Variants in FOXK2 observed in about 807,000 individuals in gnomAD.
The protein encoded by FOXK2 is forkhead box protein K2.
FOXK2 carries 24 observed loss-of-function variants against 53.3 expected under a neutral mutation model. The ratio of observed to expected loss-of-function variants is 0.45; its 90% CI spans 0.33 to 0.63. The LOEUF (loss-of-function observed/expected upper bound fraction) is 0.63, where lower values mean the gene tolerates loss of function less well. Among genes scored for constraint, FOXK2 ranks in the 30% least tolerant of loss-of-function variants. FOXK2 has a pLI of 0.03. For missense variants in FOXK2, 952 were observed against 910.5 expected (o/e 1.05, Z -0.59); for synonymous variants, 505 against 407.1 (o/e 1.24, Z -2.89).
Position 82,587,873 on chromosome 17 carries a change from G to A in FOXK2, c.1786+601G>A, listed in dbSNP as rs138528412. 1.1e-4 allele frequency among the ~76,000 whole-genome samples: 16 copies of A among 152,292 alleles called. No individual in the cohort carries two copies. In the East Asian group the frequency reaches 1.5e-3, roughly 15 times the overall value. ...GGGCCTGGCTCAGGTGTGGGCTCCC[G>A]CTGCTCTGGGTTGGGTACATGTGGG... On this transcript the variant is annotated intron_variant, in intron 8 of 8. Transcript: ENST00000335255.
chr17:82,585,259 A>C (rs1467357260), intron 6 of FOXK2: 1 of 151,548 alleles, frequency 6.6e-6, no homozygotes, highest in Non-Finnish European at 1.5e-5. Flanking sequence ...CAGGAGGAAG[A>C]TGTTGATCCT....
rs190645581 is a variant in FOXK2 at position 82,580,940 on chromosome 17, T to C, written c.910-1801T>C. ...CTAGCCCTCCTCTCCATGTCACCCGTGAAGTAGCTCCATCCACAGGGCCCA... is the reference window on the plus strand; with the variant it reads ...CTAGCCCTCCTCTCCATGTCACCCGCGAAGTAGCTCCATCCACAGGGCCCA... On this transcript the variant is annotated intron_variant, in intron 4 of 8. Transcript: ENST00000335255. Among the ~76,000 whole-genome samples the C allele has an allele frequency of 8.4e-4, 128 of 152,166 alleles. 1 individual carries two copies. Among genetic ancestry groups the C allele is most frequent in the African/African-American group, 3.0e-3 (123 of 41,462 alleles).
In FOXK2 at chr17:82,576,301, G is replaced by A. The variant is rs1312227494; in HGVS notation, c.909+4431G>A. Among the ~76,000 whole-genome samples the A allele has an allele frequency of 2.0e-5, 3 of 152,068 alleles. No individual in the cohort carries two copies. In the East Asian group the frequency reaches 5.8e-4, roughly 29 times the overall value. ...TTCGTCCACACCAGCGTGTGTGCTC[G>A]GGGAAGGACCCCCCAAGTGGAGTGC... On this transcript the variant is annotated intron_variant, in intron 4 of 8. Coordinates refer to ENST00000335255, the MANE Select transcript of FOXK2 (RefSeq NM_004514.4).
intron 1 of FOXK2, among the ~76,000 whole-genome samples, chr17:82,557,806 C>G (rs1437290958): frequency 6.6e-6 from 1 of 152,132 alleles, no homozygotes; most frequent in African/African-American, 2.4e-5. Context: ...CACCACCATC[C>G]TGGGTAAGTT....
At chr17:82,549,177 G>C (rs1361700087) in intron 1 of FOXK2, among the ~76,000 whole-genome samples, 1 of 152,182 alleles carries the variant, frequency 6.6e-6, no homozygotes, top group African/African-American at 2.4e-5. Flanking sequence ...TGTGGCCCTT[G>C]CCTGTAGCTC....
At position 82,585,944 on chromosome 17, in the gene FOXK2, G is replaced by T; in HGVS notation, c.1320G>T (p.Gln440His). ...LSSQPVLITV[Q>H]RQLPQAIKPV... is the part of the protein sequence containing the mutation. Reference sequence around the variant, plus strand: ...GTCAGCCAGTCTTAATCACCGTCCAGCGGCAGCTACCACAGGCCATCAAGC... The same window carrying T: ...GTCAGCCAGTCTTAATCACCGTCCATCGGCAGCTACCACAGGCCATCAAGC... Residue 440 changes from glutamine to histidine, a missense_variant, in exon 7 of 9, where the codon CAG becomes CAT. Gln to His is a conservative substitution (Grantham distance 24). Transcript: ENST00000335255. 6.2e-7 allele frequency: 1 copy of T among 1,612,672 alleles called. No homozygotes were observed. The highest frequency in any genetic ancestry group is 8.5e-7 in the Non-Finnish European group (1 of 1,179,858).
At position 82,586,206 on chromosome 17, in the gene FOXK2, CGGAGGGGAAAGGAGGAGAGGGGAGA is replaced by C. The variant is rs1567984767; in HGVS notation, c.1576+7_1576+31del. On this transcript the variant is annotated splice_region_variant and intron_variant, in intron 7 of 8. Transcript: ENST00000335255. ...AGACCACAGGGAAGTCAAAGGTAGG[CGGAGGGGAAAGGAGGAGAGGGGAGA>C]CCACAGGGAGGTGAAAGGTGGGCCG... 109 of 1,493,952 alleles carry C rather than the reference CGGAGGGGAAAGGAGGAGAGGGGAGA, an allele frequency of 7.3e-5. 1 individual carries two copies. The East Asian group carries it at 2.2e-3, about 30-fold the overall frequency. 92.5% of individuals were successfully genotyped at this position (1,493,952 alleles called of 1,614,324 possible).
At chr17:82,531,708 C>T (rs577041703) in intron 1 of FOXK2, among the ~76,000 whole-genome samples, 30 of 152,322 alleles carry the variant, frequency 2.0e-4, no homozygotes, top group African/African-American at 7.0e-4. Context: ...GATAAAGGTA[C>T]AGCTCTCTAG....
chr17:82,552,448 A>C lies in FOXK2; in HGVS notation c.420-10906A>C, dbSNP rs560072197. Among the ~76,000 whole-genome samples the C allele has an allele frequency of 5.9e-5, 9 of 152,128 alleles. No homozygotes were observed. In the East Asian group the frequency reaches 1.5e-3, roughly 26 times the overall value. The stretch of plus-strand genomic sequence containing the variant: ...TAATGGCCGACCTTCTCCAGGCTTC[A>C]CCCACCGTCGCTCCTGCCCTTCACT... On this transcript the variant is annotated intron_variant, in intron 1 of 8. Transcript: ENST00000335255.
At chr17:82,549,661 C>T (rs181872616) in intron 1 of FOXK2, among the ~76,000 whole-genome samples, 76 of 152,304 alleles carry the variant, frequency 5.0e-4, no homozygotes, top group African/African-American at 1.7e-3. Context: ...ACTCTCCAAG[C>T]CAAAGGAAAA....
chr17:82,555,613 G>A (rs143893326), intron 1 of FOXK2, among the ~76,000 whole-genome samples: 2 of 151,880 alleles, frequency 1.3e-5, no homozygotes, highest in African/African-American at 2.4e-5. Flanking sequence ...CACCGGGCGC[G>A]GTGGCTCACG....
chr17:82,593,357 G>A (rs2045275173), intron 8 of FOXK2: 1 of 142,788 alleles, frequency 7.0e-6, no homozygotes, highest in South Asian at 2.1e-4. Context: ...AGGAAGGAAG[G>A]AGGGAGGGAG....
chr17:82,535,235 A>G (rs2144059954), intron 1 of FOXK2, among the ~76,000 whole-genome samples: 1 of 152,190 alleles, frequency 6.6e-6, no homozygotes, highest in South Asian at 2.1e-4. Context: ...CCAGTCGCTT[A>G]TCTCTTGCTG....
intron 7 of FOXK2, among the ~76,000 whole-genome samples, chr17:82,586,831 G>A (rs139900104): frequency 0.023 from 3,507 of 152,174 alleles, 70 homozygotes; most frequent in Non-Finnish European, 0.036. Context: ...AACCCGGAAG[G>A]TGGAGGTTGC....
chr17:82,566,601 G>A (rs763854725), intron 2 of FOXK2, among the ~76,000 whole-genome samples: 2 of 152,154 alleles, frequency 1.3e-5, no homozygotes, highest in Non-Finnish European at 2.9e-5. Context: ...ACAGCTCACC[G>A]CCAAGCAGCA....
rs541874181 is a variant in FOXK2 at position 82,583,798 on chromosome 17, C to T, written c.1104-215C>T. On this transcript the variant is annotated intron_variant, in intron 5 of 8. Coordinates refer to ENST00000335255, the MANE Select transcript of FOXK2 (RefSeq NM_004514.4). ...CGTGCCGCGTATGTGGGTGAGGGCC[C>T]GTGACGGCCCTGTCCCACACAGGCT... 4.6e-5 allele frequency among the ~76,000 whole-genome samples: 7 copies of T among 152,328 alleles called. 1 individual carries two copies. The South Asian group carries it at 1.2e-3, about 27-fold the overall frequency.
At chr17:82,538,683 AAAAG>A (rs910373700) in intron 1 of FOXK2, among the ~76,000 whole-genome samples, 4 of 152,156 alleles carry the variant, frequency 2.6e-5, no homozygotes, top group African/African-American at 4.8e-5. Flanking sequence ...TAGGGAATGA[AAAAG>A]AACCCCACCA....
Position 82,586,157 on chromosome 17 carries a change from T to A in FOXK2, c.1533T>A (p.Pro511=). Residue 511 remains proline, a synonymous_variant, in exon 7 of 9, where the codon CCT becomes CCA. Coordinates refer to ENST00000335255, the MANE Select transcript of FOXK2 (RefSeq NM_004514.4). ...CCCCGGCAGCCGTGCTGGCCCCTCCTAAGGCAGAGGCCCAGGAGAATGGAG... is the reference window on the plus strand; with the variant it reads ...CCCCGGCAGCCGTGCTGGCCCCTCCAAAGGCAGAGGCCCAGGAGAATGGAG... ...VVTPAAVLAP[P]KAEAQENGDH... 1 of 1,611,424 alleles carries A rather than the reference T, an allele frequency of 6.2e-7. No individual in the cohort carries two copies. The highest frequency in any genetic ancestry group is 8.5e-7 in the Non-Finnish European group (1 of 1,179,588).
At chr17:82,542,718 T>C (rs905811879) in intron 1 of FOXK2, among the ~76,000 whole-genome samples, 1 of 152,092 alleles carries the variant, frequency 6.6e-6, no homozygotes, top group Non-Finnish European at 1.5e-5. Context: ...ACCAAGGGCT[T>C]GGTCAGCTTT....
Sources: allele counts gnomAD v4.1 joint callset (sites outside exome capture counted in the v4.1 genomes callset), GRCh38; gene constraint gnomAD v4.1.1; transcripts MANE v1.5; gene names NCBI Gene and HGNC (gene_info 2026-07-23, HGNC 2026-07-21).